Variants in DSC2 observed in about 807,000 individuals in gnomAD.
DSC2 encodes the protein desmocollin-2.
In DSC2, 51 loss-of-function variants were observed where a neutral mutation model predicts 87.6. The observed-to-expected ratio is 0.58, with a 90% CI of 0.46 to 0.74. The LOEUF is 0.74. Among genes scored for constraint, DSC2 ranks in the 30% least tolerant of loss-of-function variants. The pLI is 0.00. For synonymous variants in DSC2, 383 were observed against 393.2 expected, an observed-to-expected ratio of 0.97 and a Z score of 0.31; for missense variants, 1,066 against 1,089.5, an observed-to-expected ratio of 0.98 and a Z score of 0.30.
intron 13 of DSC2, among the ~76,000 whole-genome samples, chr18:31,071,074 G>C (rs1425605449): frequency 1.3e-5 from 2 of 151,860 alleles, no homozygotes; most frequent in Non-Finnish European, 2.9e-5. Context: ...AAACAGATAT[G>C]CTATAATTAT....
chr18:31,085,268 G>A (rs1237034063), intron 7 of DSC2, among the ~76,000 whole-genome samples: 2 of 151,942 alleles, frequency 1.3e-5, no homozygotes, highest in Non-Finnish European at 2.9e-5. Flanking sequence ...TGCAGAAGGA[G>A]ATATGAGAAT....
rs546827845 is a variant in DSC2, at chr18:31,067,164, C to T, written c.*851G>A. ...TAAGAATATATACACTTACATAAAA[C>T]AAAAAAAAGGAATAATTCACTTTAT... is the stretch of plus-strand genomic sequence containing the variant. On this transcript the variant is annotated 3_prime_UTR_variant, in exon 16 of 16. Coordinates refer to ENST00000280904, the MANE Select transcript of DSC2 (RefSeq NM_024422.6). 7.8e-6 allele frequency: 1 copy of T among 128,454 alleles called. No homozygotes were observed. Among genetic ancestry groups the T allele is most frequent in the South Asian group, 2.6e-4 (1 of 3,914 alleles). The allele number at this position is 128,454 out of a possible 1,614,324, so 8.0% of individuals were successfully genotyped here.
chr18:31,067,121 A>G lies in DSC2; in HGVS notation c.*894T>C, dbSNP rs1001597048. On this transcript the variant is annotated 3_prime_UTR_variant, in exon 16 of 16. Transcript: ENST00000280904. ...TTTGAAACAACAAAGTTAACATTAC[A>G]ATGATTTCAAGAAAAACTAAGAATA... The G allele has an allele frequency of 6.6e-6, 1 of 152,050 alleles. No individual in the cohort carries two copies. The highest frequency in any genetic ancestry group is 1.5e-5 in the Non-Finnish European group (1 of 67,962). 9.4% of individuals were successfully genotyped at this position (152,050 alleles called of 1,614,324 possible).
In DSC2 at chr18:31,101,994, C is replaced by T. The variant is rs1249169278; in HGVS notation, c.-23G>A. The T allele has an allele frequency of 4.7e-6, 7 of 1,487,308 alleles. No homozygotes were observed. Among genetic ancestry groups the T allele is most frequent in the Non-Finnish European group, 6.2e-6 (7 of 1,122,534 alleles). 92.1% of individuals were successfully genotyped at this position (1,487,308 alleles called of 1,614,324 possible). On this transcript the variant is annotated 5_prime_UTR_variant, in exon 1 of 16. Transcript: ENST00000280904. Reference sequence around the variant, plus strand: ...CATGGAGAGGGCTCGGGGCAGGTCGCGGGCCGAGCGTCGGGCCGGGGTAGG... The same window carrying T: ...CATGGAGAGGGCTCGGGGCAGGTCGTGGGCCGAGCGTCGGGCCGGGGTAGG...
chr18:31,083,189 G>C (rs7239235), intron 7 of DSC2, 129 bp from the exon 8 acceptor site: 6 of 1,051,138 alleles, frequency 5.7e-6, no homozygotes, highest in Non-Finnish European at 8.2e-6. Context: ...CACAGCATTC[G>C]TGTATTAGAA....
At chr18:31,070,561 A>G (rs1986788718) in intron 14 of DSC2, among the ~76,000 whole-genome samples, 165 bp downstream of exon 14, 1 of 152,218 alleles carries the variant, frequency 6.6e-6, no homozygotes, top group Admixed American at 6.5e-5. Flanking sequence ...ACCATATATC[A>G]TCATGTAAAT....
chr18:31,086,536 T>C (rs1987399323), intron 7 of DSC2, 40 bp downstream of exon 7: 1 of 1,612,378 alleles, frequency 6.2e-7, no homozygotes, highest in Non-Finnish European at 8.5e-7. Context: ...TACTATTGAA[T>C]AGCCACGTTA....
chr18:31,084,486 G>T (rs1019708553), intron 7 of DSC2, among the ~76,000 whole-genome samples: 8 of 152,086 alleles, frequency 5.3e-5, no homozygotes, highest in African/African-American at 1.9e-4. Context: ...GGGACTAAAA[G>T]GTTGTAGGCA....
At chr18:31,075,026 A>AT in intron 11 of DSC2, 119 bp from the exon 12 acceptor site, 1 of 1,031,946 alleles carries the variant, frequency 9.7e-7, no homozygotes, top group South Asian at 1.4e-5. Flanking sequence ...TACAATGACA[A>AT]GCAGTCACAA....
At chr18:31,091,234 G>T (rs945710724) in intron 3 of DSC2, 87 bp from the exon 4 acceptor site, 1 of 1,550,130 alleles carries the variant, frequency 6.5e-7, no homozygotes, top group Non-Finnish European at 8.8e-7. Flanking sequence ...TCTCCTCTCA[G>T]GAGGATTAGC....
intron 11 of DSC2, among the ~76,000 whole-genome samples, chr18:31,078,324 C>G (rs1276236159): frequency 6.6e-6 from 1 of 152,186 alleles, no homozygotes; most frequent in Non-Finnish European, 1.5e-5. Context: ...GACTCCCACC[C>G]TCTTCAAAAG....
In DSC2 at chr18:31,070,744, A is replaced by T; in HGVS notation, c.2232T>A (p.Ala744=). The T allele has an allele frequency of 6.2e-7, 1 of 1,613,866 alleles. No individual in the cohort carries two copies. Among genetic ancestry groups the T allele is most frequent in the Non-Finnish European group, 8.5e-7 (1 of 1,179,842 alleles). Residue 744 remains alanine (A), a synonymous_variant, in exon 14 of 16, where the codon GCT becomes GCA. Transcript: ENST00000280904. ...QQNLIVSNTE[A]PGDDKVYSAN... is the part of the protein sequence containing the mutation. ...TACTTACCACTTTGTCATCTCCAGG[A>T]GCTTCTGTGTTTGATACAATTAGGT...
chr18:31,087,229 G>A (rs10502559), intron 6 of DSC2, among the ~76,000 whole-genome samples: 3,594 of 152,156 alleles, frequency 0.024, 140 homozygotes, highest in African/African-American at 0.081. Context: ...TTTCATAATC[G>A]TGCCCAGAAT....
Position 31,068,222 on chromosome 18 carries a change from G to C in DSC2, c.2509-10C>G. 6.2e-7 allele frequency: 1 copy of C among 1,613,810 alleles called. No individual in the cohort carries two copies. The highest frequency in any genetic ancestry group is 8.5e-7 in the Non-Finnish European group (1 of 1,179,902). Reference sequence around the variant, plus strand: ...TACACAGATACACTTTCTGCCAAGGGGAAAAACACAACGTTTTTATTATTA... The same window carrying C: ...TACACAGATACACTTTCTGCCAAGGCGAAAAACACAACGTTTTTATTATTA... On this transcript the variant is annotated splice_polypyrimidine_tract_variant and intron_variant, in intron 15 of 15. Coordinates refer to ENST00000280904, the MANE Select transcript of DSC2 (RefSeq NM_024422.6).
chr18:31,098,812 C>T (rs1987845517), intron 1 of DSC2, among the ~76,000 whole-genome samples: 1 of 152,152 alleles, frequency 6.6e-6, no homozygotes, highest in African/African-American at 2.4e-5. Context: ...ACTGATACAC[C>T]TGCCCACATA....
chr18:31,074,638 C>T (rs759222924), intron 12 of DSC2, 45 bp downstream of exon 12: 10 of 1,533,086 alleles, frequency 6.5e-6, no homozygotes, highest in Admixed American at 5.2e-5. Context: ...GTATCGCAGA[C>T]ATCCTGATGT....
chr18:31,089,319 G>T, intron 5 of DSC2, 120 bp downstream of exon 5: 1 of 1,059,074 alleles, frequency 9.4e-7, no homozygotes. Flanking sequence ...TGCTATTAGG[G>T]AGTAGCCAGA....
At chr18:31,074,456 TG>T in intron 12 of DSC2, among the ~76,000 whole-genome samples, 1 of 148,120 alleles carries the variant, frequency 6.8e-6, no homozygotes, top group Non-Finnish European at 1.5e-5. Flanking sequence ...TGTGTGTGTG[TG>T]TGTGTGTGTG....
Position 31,060,661 on chromosome 18 carries a change from T to A in DSC2, c.*7354A>T, listed in dbSNP as rs911092082. 1.3e-5 allele frequency: 2 copies of A among 152,214 alleles called. No homozygotes were observed. The highest frequency in any genetic ancestry group is 2.9e-5 in the Non-Finnish European group (2 of 68,040). 9.4% of individuals were successfully genotyped at this position (152,214 alleles called of 1,614,324 possible). A position where few individuals can be genotyped will look rare whatever the true frequency, so the allele number is the denominator to read the frequency against. On this transcript the variant is annotated 3_prime_UTR_variant, in exon 16 of 16. Transcript: ENST00000280904. ...ATTTGGCAATTCTGATTTTTAAAAATATATGCAACTTACTTTGCATACATC... is the reference window on the plus strand; with the variant it reads ...ATTTGGCAATTCTGATTTTTAAAAAAATATGCAACTTACTTTGCATACATC...
Sources: gnomAD v4.1 joint callset for allele counts (sites outside exome capture counted in the v4.1 genomes callset) on GRCh38, gnomAD v4.1.1 for gene constraint, MANE v1.5 for transcripts, NCBI Gene and HGNC (gene_info 2026-07-23, HGNC 2026-07-21) for gene names.